The following CLTCL1 variants were observed in gnomAD, a reference collection of about 807,000 sequenced individuals.
CLTCL1 encodes clathrin heavy chain like 1.
Under a neutral mutation model 190.0 loss-of-function variants are expected in CLTCL1, and 159 were observed. The observed-to-expected ratio is 0.84, with a 90% CI of 0.74 to 0.95. CLTCL1 has a LOEUF of 0.95. Ranked by LOEUF, CLTCL1 falls within the 40% of genes least tolerant of loss-of-function variation. The probability of loss-of-function intolerance (pLI) is 0.00; values close to 1 mark genes in which losing one functional copy is unlikely to be tolerated. For missense variants in CLTCL1, 1,878 were observed against 2,033.4 expected (o/e 0.92, Z 1.47); for synonymous variants, 752 against 769.6 (o/e 0.98, Z 0.38).
intron 2 of CLTCL1, among the ~76,000 whole-genome samples, chr22:19,272,430 G>A (rs1366915885): frequency 1.3e-5 from 2 of 152,028 alleles, no homozygotes; most frequent in East Asian, 3.9e-4. Context: ...AGGCTGCAAT[G>A]GTGTCCCTTT....
chr22:19,233,150 G>A lies in CLTCL1; in HGVS notation c.1521+16C>T, dbSNP rs782395034. ...GTGAGTAATCTGTGAGATGCCAGTG[G>A]TTCAACACACGTTACCTTTTTGGCA... On this transcript the variant is annotated intron_variant, in intron 9 of 32. Coordinates refer to ENST00000427926, the MANE Select transcript of CLTCL1 (RefSeq NM_007098.4). 17 of 1,604,772 alleles carry A rather than the reference G, an allele frequency of 1.1e-5. No homozygotes were observed. The highest frequency in any genetic ancestry group is 1.4e-5 in the Non-Finnish European group (16 of 1,172,592).
chr22:19,260,779 C>CAAAAAAAAAAAAAAAAAAAAAAAAAAA (rs34267370), intron 2 of CLTCL1, among the ~76,000 whole-genome samples: 1 of 56,924 alleles, frequency 1.8e-5, no homozygotes, highest in Non-Finnish European at 3.2e-5. Context: ...AACTCTGTCT[C>CAAAAAAAAAAAAAAAAAAAAAAAAAAA]AAAAAAAAAA....
rs782689085 is a variant in CLTCL1, at chr22:19,208,016, C to T, written c.3600+138G>A. The T allele has an allele frequency of 1.9e-5, 18 of 965,062 alleles. No individual in the cohort carries two copies. The African/African-American group carries it at 2.4e-4, about 13-fold the overall frequency. 59.8% of individuals were successfully genotyped at this position (965,062 alleles called of 1,614,324 possible). A position where few individuals can be genotyped will look rare whatever the true frequency, so the allele number is the denominator to read the frequency against. Reference sequence around the variant, plus strand: ...TGCACTTGAATCATCCCCAAACCACCCCCGACCTGTCTGTGGAAAAACTGT... The same window carrying T: ...TGCACTTGAATCATCCCCAAACCACTCCCGACCTGTCTGTGGAAAAACTGT... On this transcript the variant is annotated intron_variant, in intron 22 of 32. Transcript: ENST00000427926.
At chr22:19,223,431 C>T (rs899840610) in intron 14 of CLTCL1, among the ~76,000 whole-genome samples, 3 of 142,204 alleles carry the variant, frequency 2.1e-5, no homozygotes, top group Admixed American at 7.2e-5. Context: ...ACTGGGAAGA[C>T]GACATCCAGG....
intron 11 of CLTCL1, among the ~76,000 whole-genome samples, chr22:19,227,908 G>A (rs1836658227): frequency 2.6e-5 from 4 of 152,212 alleles, no homozygotes; most frequent in Admixed American, 2.6e-4. Flanking sequence ...TTCTCTTGAA[G>A]TAAGTAATTT....
intron 2 of CLTCL1, among the ~76,000 whole-genome samples, chr22:19,254,883 T>G (rs2086700616): frequency 6.6e-6 from 1 of 152,228 alleles, no homozygotes; most frequent in Non-Finnish European, 1.5e-5. Context: ...GGCAGTACAA[T>G]TCTAGACAAA....
intron 18 of CLTCL1, among the ~76,000 whole-genome samples, chr22:19,217,213 G>A (rs1251174312): frequency 1.3e-5 from 2 of 152,180 alleles, no homozygotes; most frequent in Admixed American, 1.3e-4. Context: ...TCTCCCAGCA[G>A]CTAAGGAACC....
chr22:19,189,289 C>CG (rs781880479), intron 27 of CLTCL1, among the ~76,000 whole-genome samples: 8 of 152,186 alleles, frequency 5.3e-5, no homozygotes, highest in Non-Finnish European at 1.0e-4. Context: ...ACTTGTGTTG[C>CG]ATAAAACAAA....
At chr22:19,232,811 A>G (rs1446436427) in intron 9 of CLTCL1, 2 of 685,988 alleles carry the variant, frequency 2.9e-6, no homozygotes, top group Admixed American at 3.1e-5. Flanking sequence ...CAAAGAGCCC[A>G]GACCACAAAG....
chr22:19,259,053 C>T (rs1410907698), intron 2 of CLTCL1, among the ~76,000 whole-genome samples: 1 of 152,080 alleles, frequency 6.6e-6, no homozygotes, highest in Admixed American at 6.6e-5. Context: ...ATAGGCATAC[C>T]TCACTTTATT....
chr22:19,256,759 C>T (rs2086774796), intron 2 of CLTCL1, among the ~76,000 whole-genome samples: 1 of 151,754 alleles, frequency 6.6e-6, no homozygotes, highest in Admixed American at 6.6e-5. Flanking sequence ...CTCAGCCTGT[C>T]GAAGTGCTGG....
chr22:19,239,747 A>G (rs1287006652), intron 4 of CLTCL1, among the ~76,000 whole-genome samples: 6 of 151,894 alleles, frequency 4.0e-5, no homozygotes, highest in African/African-American at 1.5e-4. Flanking sequence ...TATGGCCCAG[A>G]CTCATACAAG....
chr22:19,220,251 C>G (rs2085526052), intron 17 of CLTCL1, among the ~76,000 whole-genome samples: 1 of 152,276 alleles, frequency 6.6e-6, no homozygotes, highest in Non-Finnish European at 1.5e-5. Flanking sequence ...ACATATCTGG[C>G]CAGTAGGACT....
At chr22:19,260,945 G>C (rs75010936) in intron 2 of CLTCL1, among the ~76,000 whole-genome samples, 1 of 150,916 alleles carries the variant, frequency 6.6e-6, no homozygotes. Context: ...AAAAAAAAAG[G>C]TTCCTTTCAA....
chr22:19,231,377 C>A (rs782681696), intron 10 of CLTCL1, among the ~76,000 whole-genome samples: 6 of 152,174 alleles, frequency 3.9e-5, no homozygotes, highest in Non-Finnish European at 5.9e-5. Context: ...GTGTGCACCA[C>A]CATGCCTGGC....
chr22:19,258,376 C>A (rs1006065384), intron 2 of CLTCL1: 25 of 421,480 alleles, frequency 5.9e-5, no homozygotes, highest in Non-Finnish European at 1.1e-4. Flanking sequence ...ACGCAGTCCA[C>A]CGAGATCAGA....
chr22:19,261,532 G>A (rs1452076054), intron 2 of CLTCL1, among the ~76,000 whole-genome samples: 1 of 152,128 alleles, frequency 6.6e-6, no homozygotes, highest in African/African-American at 2.4e-5. Context: ...AAGAACATTC[G>A]TGATTCACGA....
intron 22 of CLTCL1, among the ~76,000 whole-genome samples, chr22:19,204,122 G>A (rs1399417008): frequency 6.6e-6 from 1 of 152,152 alleles, no homozygotes; most frequent in Non-Finnish European, 1.5e-5. Flanking sequence ...CAGCCAGAGG[G>A]GTTCCGCTGA....
rs782321885 is a variant in CLTCL1, at chr22:19,223,897, G to C, written c.2286C>G (p.Phe762Leu). ...AGGCAGCACTGGAACACACCTTCAGGAAGTTCTTCACACGCTCTGGGTTGT... is the reference window on the plus strand; with the variant it reads ...AGGCAGCACTGGAACACACCTTCAGCAAGTTCTTCACACGCTCTGGGTTGT... ...SCYNPERVKNFLKEAKLTDQL... is the reference protein window; with the variant it reads ...SCYNPERVKNLLKEAKLTDQL... Residue 762 changes from phenylalanine (F) to leucine (L), a missense_variant, in exon 14 of 33, where the codon TTC becomes TTG. Coordinates refer to ENST00000427926, the MANE Select transcript of CLTCL1 (RefSeq NM_007098.4). The C allele has an allele frequency of 3.1e-6, 5 of 1,613,584 alleles. No homozygotes were observed. The highest frequency in any genetic ancestry group is 2.2e-5 in the South Asian group (2 of 91,050).
Sources: allele counts gnomAD v4.1 joint callset (sites outside exome capture counted in the v4.1 genomes callset), GRCh38; gene constraint gnomAD v4.1.1; transcripts MANE v1.5; gene names NCBI Gene and HGNC (gene_info 2026-07-23, HGNC 2026-07-21).